EFCAB6: variants seen among roughly 807,000 people sequenced by gnomAD.
EFCAB6 encodes the protein EF-hand calcium binding domain 6, also known as EF-hand calcium-binding domain-containing protein 6.
Under a neutral mutation model 169.8 loss-of-function variants are expected in EFCAB6, and 156 were observed. The observed-to-expected ratio is 0.92, with a 90% confidence interval of 0.81 to 1.05. The LOEUF is 1.05. Ranked by LOEUF, EFCAB6 falls within the 50% of genes least tolerant of loss-of-function variation. The pLI is 0.00. For synonymous variants in EFCAB6, 698 were observed against 676.4 expected (o/e 1.03, Z -0.50); for missense variants, 1,800 against 1,829.1 (o/e 0.98, Z 0.29).
intron 7 of EFCAB6, among the ~76,000 whole-genome samples, chr22:43,735,244 G>A (rs1206771480): frequency 1.3e-5 from 2 of 152,084 alleles, no homozygotes; most frequent in African/African-American, 4.8e-5. Flanking sequence ...GGAGTCAGGA[G>A]CAGGTGGTGG....
At chr22:43,542,010 G>C (rs9625951) in intron 27 of EFCAB6, among the ~76,000 whole-genome samples, 41,685 of 152,220 alleles carry the variant, frequency 0.27, 5,912 homozygotes, top group African/African-American at 0.33. Flanking sequence ...GGTGCAGAAC[G>C]CTGTTCTGAC....
In EFCAB6 at chr22:43,576,446, C is replaced by G; in HGVS notation, c.3271G>C (p.Ala1091Pro). ...LDKEDTGFVK[A>P]TEFGQVLKDF... is the part of the protein sequence containing the mutation. ...TTAAGAACTTGTCCGAATTCTGTAG[C>G]CTTTACAAATCCTGTATCCTCTTTA... The change falls in exon 26 of 32, where the codon GCT (alanine) becomes CCT (proline). Residue 1091 changes from alanine (A) to proline (P), a missense_variant. Ala to Pro is a conservative substitution (Grantham distance 27). Transcript: ENST00000262726. The G allele has an allele frequency of 6.3e-7, 1 of 1,592,246 alleles. No individual in the cohort carries two copies. The highest frequency in any genetic ancestry group is 1.2e-5 in the South Asian group (1 of 86,126).
intron 20 of EFCAB6, among the ~76,000 whole-genome samples, chr22:43,623,710 A>G (rs2054272104): frequency 2.0e-5 from 3 of 147,868 alleles, no homozygotes; most frequent in Admixed American, 6.8e-5. Context: ...CCTGGCTAAC[A>G]TAGTGAAACC....
At chr22:43,564,770 T>C (rs2049316315) in intron 26 of EFCAB6, among the ~76,000 whole-genome samples, 1 of 152,212 alleles carries the variant, frequency 6.6e-6, no homozygotes, top group South Asian at 2.1e-4. Flanking sequence ...CCCTCTAATA[T>C]CCTGTCAGTA....
intron 17 of EFCAB6, among the ~76,000 whole-genome samples, chr22:43,653,326 A>G (rs958465116): frequency 4.0e-5 from 6 of 151,502 alleles, no homozygotes; most frequent in Admixed American, 2.6e-4. Flanking sequence ...GCTGCTAGAG[A>G]AAAAAAAGAC....
At chr22:43,623,681 G>A (rs902161680) in intron 20 of EFCAB6, among the ~76,000 whole-genome samples, 1 of 149,432 alleles carries the variant, frequency 6.7e-6, no homozygotes, top group South Asian at 2.1e-4. Context: ...GTATCACGAG[G>A]TCAGGAGATC....
At chr22:43,576,269 G>C (rs886559429) in intron 26 of EFCAB6, 28 bp downstream of exon 26, 1 of 1,543,592 alleles carries the variant, frequency 6.5e-7, no homozygotes, top group Admixed American at 2.4e-5. Flanking sequence ...TTTTCAAAGA[G>C]ATGCTTATGT....
At chr22:43,771,391 C>A (rs759664461) in intron 4 of EFCAB6, among the ~76,000 whole-genome samples, 1 of 152,046 alleles carries the variant, frequency 6.6e-6, no homozygotes, top group Non-Finnish European at 1.5e-5. Flanking sequence ...GATAGCGCCA[C>A]TGCACTCTAG....
chr22:43,642,796 G>A (rs1053103244), intron 17 of EFCAB6, among the ~76,000 whole-genome samples: 2 of 152,176 alleles, frequency 1.3e-5, no homozygotes, highest in Non-Finnish European at 1.5e-5. Context: ...CCATGGTCAT[G>A]TGCACAGGCC....
intron 22 of EFCAB6, among the ~76,000 whole-genome samples, chr22:43,603,202 C>A (rs2147560741): frequency 6.6e-6 from 1 of 152,242 alleles, no homozygotes; most frequent in South Asian, 2.1e-4. Context: ...TAATGAAGAT[C>A]GTAAACATTC....
chr22:43,670,148 C>T (rs562360052), intron 15 of EFCAB6, among the ~76,000 whole-genome samples: 2 of 152,266 alleles, frequency 1.3e-5, no homozygotes, highest in African/African-American at 2.4e-5. Context: ...ACCTCATTAT[C>T]GTCCAACAAA....
intron 23 of EFCAB6, among the ~76,000 whole-genome samples, chr22:43,598,275 C>T (rs1198471156): frequency 7.6e-6 from 1 of 131,290 alleles, no homozygotes; most frequent in East Asian, 2.5e-4. Context: ...CCACTGCACT[C>T]CAGCCTGGGT....
At chr22:43,797,510 T>C (rs1038709520) in intron 2 of EFCAB6, among the ~76,000 whole-genome samples, 24 of 152,200 alleles carry the variant, frequency 1.6e-4, no homozygotes, top group Admixed American at 9.2e-4. Flanking sequence ...GCAAATCACG[T>C]GAATTTCACA....
intron 26 of EFCAB6, among the ~76,000 whole-genome samples, chr22:43,564,716 G>A (rs2049312878): frequency 6.6e-6 from 1 of 152,146 alleles, no homozygotes; most frequent in African/African-American, 2.4e-5. Flanking sequence ...CGGTTTTATT[G>A]TCCTCCTGTT....
intron 17 of EFCAB6, among the ~76,000 whole-genome samples, chr22:43,654,686 T>A (rs1221601105): frequency 6.6e-6 from 1 of 152,116 alleles, no homozygotes; most frequent in African/African-American, 2.4e-5. Context: ...TCAGGAGACA[T>A]GAAGACTCAA....
chr22:43,749,602 G>T (rs1021981772), intron 6 of EFCAB6, among the ~76,000 whole-genome samples: 41 of 152,118 alleles, frequency 2.7e-4, no homozygotes, highest in African/African-American at 9.7e-4. Flanking sequence ...AGCTAATGCC[G>T]CTGCTGATCT....
chr22:43,598,322 A>AAAAAAAAAAAAAAAAAC (rs2052204703), intron 23 of EFCAB6, among the ~76,000 whole-genome samples: 2 of 130,238 alleles, frequency 1.5e-5, no homozygotes, highest in Non-Finnish European at 3.3e-5. Context: ...AAAAAAAAAA[A>AAAAAAAAAAAAAAAAAC]AAAAAAAAAA....
rs534653062 is a variant in EFCAB6 at position 43,619,054 on chromosome 22, G to A, written c.2466-3132C>T. On this transcript the variant is annotated intron_variant, in intron 20 of 31. Transcript: ENST00000262726. The stretch of plus-strand genomic sequence containing the variant: ...CCCTTGGGGGCTACAGAGTGTGGGG[G>A]AGATCATAGAGAAGAGAGAGCTAGA... 3.3e-5 allele frequency among the ~76,000 whole-genome samples: 5 copies of A among 152,276 alleles called. No homozygotes were observed. The South Asian group carries it at 8.3e-4, about 25-fold the overall frequency.
chr22:43,664,576 G>A (rs182355065), intron 17 of EFCAB6, among the ~76,000 whole-genome samples: 229 of 152,336 alleles, frequency 1.5e-3, no homozygotes, highest in Middle Eastern at 3.4e-3. Context: ...GGTCACCTTG[G>A]TGGAGGAAGA....
Sources: gnomAD v4.1 joint callset for allele counts (sites outside exome capture counted in the v4.1 genomes callset) on GRCh38, gnomAD v4.1.1 for gene constraint, MANE v1.5 for transcripts, NCBI Gene and HGNC (gene_info 2026-07-23, HGNC 2026-07-21) for gene names.